PLEKHA8: variants seen among roughly 807,000 people sequenced by gnomAD.
PLEKHA8 encodes the protein pleckstrin homology domain containing A8, also known as pleckstrin homology domain-containing family A member 8.
Under a neutral mutation model 68.2 loss-of-function variants are expected in PLEKHA8, and 36 were observed. The observed-to-expected ratio is 0.53, with a 90% CI of 0.40 to 0.70. The LOEUF (loss-of-function observed/expected upper bound fraction) is 0.70, where lower values mean the gene tolerates loss of function less well. Among genes scored for constraint, PLEKHA8 ranks in the 30% least tolerant of loss-of-function variants. The pLI, the probability that PLEKHA8 is intolerant of heterozygous loss-of-function variation, is 0.00. For synonymous variants in PLEKHA8, 211 were observed against 216.1 expected, an observed-to-expected ratio of 0.98 and a Z score of 0.20; for missense variants, 505 against 615.4, an observed-to-expected ratio of 0.82 and a Z score of 1.90.
intron 7 of PLEKHA8, 126 bp downstream of exon 7, chr7:30,052,992 G>A (rs1055229884): frequency 2.8e-6 from 2 of 724,852 alleles, no homozygotes; most frequent in African/African-American, 1.9e-5. Flanking sequence ...GGAGGATATT[G>A]GCTGGGTAAG....
At position 30,062,743 on chromosome 7, in the gene PLEKHA8, G is replaced by GT; in HGVS notation, c.1300+2dup. 1 of 1,610,746 alleles carries GT rather than the reference G, an allele frequency of 6.2e-7. No individual in the cohort carries two copies. The highest frequency in any genetic ancestry group is 8.5e-7 in the Non-Finnish European group (1 of 1,177,136). On this transcript the variant is annotated splice_donor_variant, in intron 12 of 13. Transcript: ENST00000449726. LOFTEE classifies it high-confidence loss of function. ...GAGAAGGATATCCAGACAGCCCTAA[G>GT]TAAGTGTTCTTTATGTTTTGTTGAA...
intron 9 of PLEKHA8, 82 bp downstream of exon 9, chr7:30,055,424 A>G (rs1792766263): frequency 2.5e-6 from 3 of 1,205,334 alleles, no homozygotes; most frequent in Non-Finnish European, 3.7e-6. Context: ...AAATACCCCA[A>G]ACTATGTGTA....
chr7:30,045,324 G>T (rs1791870863), intron 2 of PLEKHA8, 123 bp downstream of exon 2: 3 of 667,290 alleles, frequency 4.5e-6, no homozygotes, highest in Non-Finnish European at 5.0e-6. Flanking sequence ...GGGACATAGT[G>T]TTATGTGTCA....
chr7:30,107,898 ATC>A (rs1355726107), intron 13 of PLEKHA8, among the ~76,000 whole-genome samples: 1 of 151,898 alleles, frequency 6.6e-6, no homozygotes, highest in Non-Finnish European at 1.5e-5. Flanking sequence ...GAGAAATCCC[ATC>A]TCTCCTAAAG....
rs1037504446 is a variant in PLEKHA8 at position 30,054,882 on chromosome 7, AAT to A, written c.953+20_953+21del. On this transcript the variant is annotated intron_variant, in intron 8 of 13. Coordinates refer to ENST00000449726, the MANE Select transcript of PLEKHA8 (RefSeq NM_001197026.2). The stretch of plus-strand genomic sequence containing the variant: ...GAACACAAGGTATTCTAGACTCTTT[AAT>A]ATCACTGATGCTTGGATACTAACTT... 6.3e-7 allele frequency: 1 copy of A among 1,577,526 alleles called. No individual in the cohort carries two copies. The highest frequency in any genetic ancestry group is 8.6e-7 in the Non-Finnish European group (1 of 1,158,846).
chr7:30,095,705 G>A (rs1349455314), downstream of PLEKHA8, among the ~76,000 whole-genome samples: 6 of 152,178 alleles, frequency 3.9e-5, no homozygotes, highest in Non-Finnish European at 8.8e-5. Flanking sequence ...TTTTGTATAA[G>A]GTGTAAGGAA....
intron 13 of PLEKHA8, among the ~76,000 whole-genome samples, chr7:30,115,548 A>G (rs762518143): frequency 5.9e-5 from 3 of 50,590 alleles, no homozygotes; most frequent in Admixed American, 2.9e-4. Context: ...GTACACATGC[A>G]CGTATACATG....
chr7:30,085,022 G>A (rs1013163523), downstream of PLEKHA8, among the ~76,000 whole-genome samples: 3 of 150,704 alleles, frequency 2.0e-5, no homozygotes, highest in African/African-American at 7.3e-5. Context: ...TCAGCTCGCT[G>A]TGACCTCCAC....
chr7:30,040,434 C>T (rs919160516), intron 1 of PLEKHA8, among the ~76,000 whole-genome samples: 1 of 152,214 alleles, frequency 6.6e-6, no homozygotes, highest in South Asian at 2.1e-4. Flanking sequence ...AAGAAACAGT[C>T]CCCATTTCTT....
chr7:30,101,190 A>G (rs568283227), intron 13 of PLEKHA8, among the ~76,000 whole-genome samples: 4 of 152,194 alleles, frequency 2.6e-5, no homozygotes, highest in African/African-American at 9.6e-5. Flanking sequence ...GAAAAAAAAA[A>G]AAGAAGAAAG....
rs922621537 is a variant in PLEKHA8 at position 30,048,096 on chromosome 7, G to A, written c.438+140G>A. On this transcript the variant is annotated intron_variant, in intron 4 of 13. Transcript: ENST00000449726. Reference sequence around the variant, plus strand: ...AAAAAGCACCAGACGTTGCTTACAGGTGGTGTTTACTCTCATCTAATTTTT... The same window carrying A: ...AAAAAGCACCAGACGTTGCTTACAGATGGTGTTTACTCTCATCTAATTTTT... 4.3e-5 allele frequency: 19 copies of A among 443,802 alleles called. No individual in the cohort carries two copies. In the Admixed American group the frequency reaches 6.7e-4, roughly 16 times the overall value. 27.5% of individuals were successfully genotyped at this position (443,802 alleles called of 1,614,324 possible). A position where few individuals can be genotyped will look rare whatever the true frequency, so the allele number is the denominator to read the frequency against.
exon 13 of PLEKHA8, chr7:30,090,735 TA>T: frequency 1.5e-6 from 1 of 648,432 alleles, no homozygotes; most frequent in Non-Finnish European, 1.9e-6. Context: ...AACAGATTTC[TA>T]AAAAGAAATA....
chr7:30,080,265 A>G lies in PLEKHA8; in HGVS notation c.*1478A>G. ...ATTCTTCTGCACAGTGTGATGCTCC[A>G]ACCCTGGCCCTAGTCTCAGTAGACC... On this transcript the variant is annotated 3_prime_UTR_variant, in exon 14 of 14. Coordinates refer to ENST00000449726, the MANE Select transcript of PLEKHA8 (RefSeq NM_001197026.2). 1 of 985,418 alleles carries G rather than the reference A, an allele frequency of 1.0e-6. No homozygotes were observed. The highest frequency in any genetic ancestry group is 4.7e-5 in the South Asian group (1 of 21,292). The allele number at this position is 985,418 out of a possible 1,614,324, so 61.0% of individuals were successfully genotyped here. A position where few individuals can be genotyped will look rare whatever the true frequency, so the allele number is the denominator to read the frequency against.
intron 1 of PLEKHA8, among the ~76,000 whole-genome samples, chr7:30,039,838 T>G (rs1421570608): frequency 1.3e-5 from 2 of 152,242 alleles, no homozygotes; most frequent in South Asian, 4.1e-4. Flanking sequence ...GAGCTAGGTT[T>G]GCTTCTTTCT....
chr7:30,049,198 A>C, intron 4 of PLEKHA8, 26 bp from the exon 5 acceptor site: 1 of 1,613,246 alleles, frequency 6.2e-7, no homozygotes, highest in African/African-American at 1.3e-5. Flanking sequence ...AAGGTAAAGG[A>C]GTCTTCCACT....
At chr7:30,103,605 T>C (rs1349093836) in intron 13 of PLEKHA8, among the ~76,000 whole-genome samples, 3 of 152,212 alleles carry the variant, frequency 2.0e-5, no homozygotes, top group African/African-American at 7.2e-5. Context: ...AGTTCAGAAA[T>C]CAGGCCCCAC....
intron 11 of PLEKHA8, 56 bp from the exon 12 acceptor site, chr7:30,062,616 C>T (rs1225258711): frequency 6.2e-6 from 8 of 1,287,334 alleles, no homozygotes; most frequent in Non-Finnish European, 6.7e-6. Context: ...TTTCTTTATA[C>T]CCACTCAACA....
At position 30,082,442 on chromosome 7, in the gene PLEKHA8, AC is replaced by A. The variant is rs571442106; in HGVS notation, c.*3661del. The A allele has an allele frequency of 2.0e-6, 2 of 984,696 alleles. No individual in the cohort carries two copies. The highest frequency in any genetic ancestry group is 6.2e-5 in the Admixed American group (1 of 16,190). The allele number at this position is 984,696 out of a possible 1,614,324, so 61.0% of individuals were successfully genotyped here. ...TGATCAGTGGGGATTCTGTTCCCCC[AC>A]CCCCCAGACTGCAAGAGCTTCTTAA... On this transcript the variant is annotated 3_prime_UTR_variant, in exon 14 of 14. Coordinates refer to ENST00000449726, the MANE Select transcript of PLEKHA8 (RefSeq NM_001197026.2).
intron 13 of PLEKHA8, among the ~76,000 whole-genome samples, chr7:30,112,366 CA>C (rs1276406239): frequency 6.7e-6 from 1 of 149,396 alleles, no homozygotes; most frequent in African/African-American, 2.5e-5. Flanking sequence ...AATTAGTTAA[CA>C]AAAAGATAAC....
Sources: gnomAD v4.1 joint callset for allele counts (sites outside exome capture counted in the v4.1 genomes callset) on GRCh38, gnomAD v4.1.1 for gene constraint, MANE v1.5 for transcripts, NCBI Gene and HGNC (gene_info 2026-07-23, HGNC 2026-07-21) for gene names.